The following MAPK8 variants were observed in gnomAD, a reference collection of about 807,000 sequenced individuals.
The protein encoded by MAPK8 is mitogen-activated protein kinase 8.
Under a neutral mutation model 52.9 loss-of-function variants are expected in MAPK8, and 13 were observed. The observed-to-expected ratio is 0.25, with a 90% confidence interval of 0.16 to 0.39. The LOEUF (loss-of-function observed/expected upper bound fraction) is 0.39, where lower values mean the gene tolerates loss of function less well. Among genes scored for constraint, MAPK8 ranks in the 10% least tolerant of loss-of-function variants. The probability of loss-of-function intolerance (pLI) is 1.00; values close to 1 mark genes in which losing one functional copy is unlikely to be tolerated. For missense variants in MAPK8, 300 were observed against 519.2 expected, an observed-to-expected ratio of 0.58 and a Z score of 4.10; for synonymous variants, 191 against 169.8, an observed-to-expected ratio of 1.12 and a Z score of -0.97.
chr10:48,350,753 G>C (rs2132431057), intron 1 of MAPK8, among the ~76,000 whole-genome samples: 1 of 152,280 alleles, frequency 6.6e-6, no homozygotes, highest in South Asian at 2.1e-4. Context: ...TATAGTATTG[G>C]AAGTTCTGGC....
At chr10:48,425,587 A>G in intron 7 of MAPK8, 2 of 329,634 alleles carry the variant, frequency 6.1e-6, no homozygotes, top group Non-Finnish European at 1.1e-5. Context: ...CACTATGGAT[A>G]GTAATTGTCA....
intron 6 of MAPK8, among the ~76,000 whole-genome samples, chr10:48,422,965 T>C (rs1256565287): frequency 6.6e-6 from 1 of 152,210 alleles, no homozygotes. Flanking sequence ...TTCTGACATC[T>C]ATTTGTGCCG....
chr10:48,388,391 A>C (rs576670062), intron 1 of MAPK8, among the ~76,000 whole-genome samples: 1 of 152,234 alleles, frequency 6.6e-6, no homozygotes, highest in South Asian at 2.1e-4. Flanking sequence ...TTAAGATGTT[A>C]CTCATCTCAA....
intron 1 of MAPK8, among the ~76,000 whole-genome samples, chr10:48,337,328 G>A (rs1373998033): frequency 6.6e-6 from 1 of 152,106 alleles, no homozygotes; most frequent in East Asian, 1.9e-4. Flanking sequence ...AGCCACGTAA[G>A]TACATGGAAA....
At chr10:48,427,694 A>G (rs926642837) in intron 10 of MAPK8, among the ~76,000 whole-genome samples, 14 of 152,182 alleles carry the variant, frequency 9.2e-5, no homozygotes, top group South Asian at 2.1e-4. Flanking sequence ...GGGTTTCACC[A>G]TGTTAGCCAG....
chr10:48,345,914 A>G (rs1015426948), intron 1 of MAPK8, among the ~76,000 whole-genome samples: 1 of 152,216 alleles, frequency 6.6e-6, no homozygotes, highest in Non-Finnish European at 1.5e-5. Context: ...GCCAAAGAAC[A>G]TAGAAGAGTC....
At chr10:48,389,349 C>T in intron 1 of MAPK8, among the ~76,000 whole-genome samples, 1 of 152,094 alleles carries the variant, frequency 6.6e-6, no homozygotes, top group East Asian at 1.9e-4. Context: ...TTAGAGCTAA[C>T]CTCATAGTGC....
At chr10:48,422,500 G>A (rs1285346830) in intron 6 of MAPK8, among the ~76,000 whole-genome samples, 1 of 152,132 alleles carries the variant, frequency 6.6e-6, no homozygotes, top group Non-Finnish European at 1.5e-5. Context: ...GTCTTCACTG[G>A]CCCAGATAAT....
At chr10:48,342,766 G>A (rs1564506474) in intron 1 of MAPK8, among the ~76,000 whole-genome samples, 1 of 152,162 alleles carries the variant, frequency 6.6e-6, no homozygotes, top group African/African-American at 2.4e-5. Context: ...GACCAGATTG[G>A]TTTTTGGATA....
intron 5 of MAPK8, among the ~76,000 whole-genome samples, chr10:48,413,518 T>C (rs930544616): frequency 1.3e-5 from 2 of 152,086 alleles, no homozygotes; most frequent in Non-Finnish European, 2.9e-5. Flanking sequence ...GCCATTTTCT[T>C]GGTTCTGAGT....
intron 1 of MAPK8, 23 bp from the exon 2 acceptor site, chr10:48,401,586 ACAT>A (rs2042161717): frequency 4.0e-6 from 6 of 1,507,178 alleles, no homozygotes; most frequent in Non-Finnish European, 5.5e-6. Flanking sequence ...CATTTTGTTA[ACAT>A]CATGTTTTGT....
intron 1 of MAPK8, among the ~76,000 whole-genome samples, chr10:48,322,850 T>G (rs956334809): frequency 2.0e-5 from 3 of 152,212 alleles, no homozygotes; most frequent in African/African-American, 7.2e-5. Flanking sequence ...ACCTTGGCAC[T>G]CTGATGCCCT....
chr10:48,356,228 G>C (rs756456995), intron 1 of MAPK8, among the ~76,000 whole-genome samples: 3 of 152,130 alleles, frequency 2.0e-5, no homozygotes, highest in Non-Finnish European at 4.4e-5. Context: ...ATGATAGCAC[G>C]TAAGTCAGAA....
Position 48,352,521 on chromosome 10 carries a change from A to G in MAPK8, c.-50+45700A>G, listed in dbSNP as rs1260572763. Among the ~76,000 whole-genome samples the G allele has an allele frequency of 3.9e-5, 6 of 152,368 alleles. No individual in the cohort carries two copies. In the East Asian group the frequency reaches 1.2e-3, roughly 29 times the overall value. On this transcript the variant is annotated intron_variant, in intron 1 of 11. Coordinates refer to ENST00000374189, the MANE Select transcript of MAPK8 (RefSeq NM_001323329.2). The stretch of plus-strand genomic sequence containing the variant: ...TCAATGTAACCATATTAACAGGATC[A>G]TGAAGAAAATATATCAAATGCTATA...
At chr10:48,316,389 T>G (rs1317003257) in intron 1 of MAPK8, among the ~76,000 whole-genome samples, 1 of 152,186 alleles carries the variant, frequency 6.6e-6, no homozygotes, top group Non-Finnish European at 1.5e-5. Context: ...GTAAGTAGAT[T>G]CCATGATGTT....
chr10:48,405,106 GATAT>G lies in MAPK8; in HGVS notation c.252+144_252+147del, dbSNP rs10657070. On this transcript the variant is annotated intron_variant, in intron 3 of 11. Transcript: ENST00000374189. ...CTGTATTAAAACATTGTTTAAAAGG[GATAT>G]ATATATATATATATATATCTACAGG... 938 of 234,726 alleles carry G rather than the reference GATAT, an allele frequency of 4.0e-3. 1 individual carries two copies. Among genetic ancestry groups the G allele is most frequent in the Middle Eastern group, 7.5e-3 (5 of 664 alleles). The allele number at this position is 234,726 out of a possible 1,614,324, so 14.5% of individuals were successfully genotyped here. A position where few individuals can be genotyped will look rare whatever the true frequency, so the allele number is the denominator to read the frequency against.
chr10:48,315,168 A>G (rs1361560273), intron 1 of MAPK8, among the ~76,000 whole-genome samples: 2 of 151,960 alleles, frequency 1.3e-5, no homozygotes, highest in Non-Finnish European at 1.5e-5. Flanking sequence ...TGTTTATTTT[A>G]TATGAACTTC....
In MAPK8 at chr10:48,437,325, A is replaced by G. The variant is rs1365622285; in HGVS notation, c.*2296A>G. Reference sequence around the variant, plus strand: ...AGCTAAATATATGTTGGTTCTTTTTATTTTGGAATCCTTTAAGCATCTTAA... The same window carrying G: ...AGCTAAATATATGTTGGTTCTTTTTGTTTTGGAATCCTTTAAGCATCTTAA... On this transcript the variant is annotated 3_prime_UTR_variant, in exon 12 of 12. Coordinates refer to ENST00000374189, the MANE Select transcript of MAPK8 (RefSeq NM_001323329.2). 1 of 152,118 alleles carries G rather than the reference A, an allele frequency of 6.6e-6. No homozygotes were observed. The highest frequency in any genetic ancestry group is 1.5e-5 in the Non-Finnish European group (1 of 68,000). The allele number at this position is 152,118 out of a possible 1,614,324, so 9.4% of individuals were successfully genotyped here. A position where few individuals can be genotyped will look rare whatever the true frequency, so the allele number is the denominator to read the frequency against.
chr10:48,366,688 A>G (rs1313325440), intron 1 of MAPK8, among the ~76,000 whole-genome samples: 1 of 152,156 alleles, frequency 6.6e-6, no homozygotes, highest in Non-Finnish European at 1.5e-5. Context: ...CTTCTATTTC[A>G]CTAAAAAAAA....
Sources: gnomAD v4.1 joint callset for allele counts (sites outside exome capture counted in the v4.1 genomes callset) on GRCh38, gnomAD v4.1.1 for gene constraint, MANE v1.5 for transcripts, NCBI Gene and HGNC (gene_info 2026-07-23, HGNC 2026-07-21) for gene names.